The following AGPAT3 variants were observed in gnomAD, a reference collection of about 807,000 sequenced individuals.
The protein encoded by AGPAT3 is 1-acyl-sn-glycerol-3-phosphate acyltransferase gamma.
A neutral mutation model predicts 47.3 loss-of-function variants in AGPAT3; 5 were observed. The ratio of observed to expected loss-of-function variants is 0.11; its 90% confidence interval spans 0.06 to 0.22. The LOEUF is 0.22. AGPAT3 is among the 10% of genes least tolerant of loss of function. The probability of loss-of-function intolerance (pLI) is 1.00; values close to 1 mark genes in which losing one functional copy is unlikely to be tolerated. For synonymous variants in AGPAT3, 212 were observed against 208.3 expected (o/e 1.02, Z -0.15); for missense variants, 315 against 493.0 (o/e 0.64, Z 3.42).
chr21:43,979,943 T>C (rs1244531712), intron 8 of AGPAT3, among the ~76,000 whole-genome samples: 1 of 152,110 alleles, frequency 6.6e-6, no homozygotes, highest in African/African-American at 2.4e-5. Context: ...AAAAAATATC[T>C]TGAAGCCAGT....
At chr21:43,956,378 G>T (rs1377464253) in intron 2 of AGPAT3, among the ~76,000 whole-genome samples, 1 of 152,158 alleles carries the variant, frequency 6.6e-6, no homozygotes, top group Non-Finnish European at 1.5e-5. Context: ...CCCATATGAT[G>T]CACGAAGCCT....
In AGPAT3 at chr21:43,979,000, G is replaced by T. The variant is rs1186279638; in HGVS notation, c.843+879G>T. On this transcript the variant is annotated intron_variant, in intron 8 of 9. Transcript: ENST00000291572. ...CGTAAATGCATTGATGGGCTCTCAA[G>T]AAAATAAGGGAAATCGGTCGGGTGC... 2.0e-5 allele frequency among the ~76,000 whole-genome samples: 3 copies of T among 152,132 alleles called. No individual in the cohort carries two copies. In the East Asian group the frequency reaches 5.8e-4, roughly 29 times the overall value.
At chr21:43,925,938 T>C (rs543724890) in intron 2 of AGPAT3, among the ~76,000 whole-genome samples, 6 of 152,346 alleles carry the variant, frequency 3.9e-5, no homozygotes, top group East Asian at 1.9e-4. Context: ...GCCGGCGCCA[T>C]GTAGCTGCCT....
intron 2 of AGPAT3, among the ~76,000 whole-genome samples, chr21:43,947,572 T>C (rs1263355355): frequency 6.6e-6 from 1 of 152,234 alleles, no homozygotes; most frequent in African/African-American, 2.4e-5. Flanking sequence ...GAGATGAGAT[T>C]GTTTGCTGAA....
chr21:43,977,904 AG>A, intron 7 of AGPAT3, 141 bp from the exon 8 acceptor site: 1 of 618,692 alleles, frequency 1.6e-6, no homozygotes, highest in Non-Finnish European at 2.8e-6. Flanking sequence ...AAAAAAGAAA[AG>A]AAAAGAAATT....
chr21:43,935,936 T>C (rs960158862), intron 2 of AGPAT3, among the ~76,000 whole-genome samples: 4 of 152,214 alleles, frequency 2.6e-5, no homozygotes, highest in African/African-American at 9.6e-5. Context: ...GCCAGGCTTT[T>C]TCCCTGATGG....
chr21:43,972,147 A>ATT (rs11369044), intron 7 of AGPAT3, among the ~76,000 whole-genome samples: 256 of 148,396 alleles, frequency 1.7e-3, no homozygotes, highest in African/African-American at 5.4e-3. Context: ...AGCCTGTTTG[A>ATT]TTTTTTTTTT....
intron 1 of AGPAT3, among the ~76,000 whole-genome samples, chr21:43,894,988 T>A (rs1331402636): frequency 1.3e-5 from 2 of 152,282 alleles, no homozygotes; most frequent in East Asian, 3.8e-4. Flanking sequence ...TTTTTGTATG[T>A]TTTCTATCTT....
At chr21:43,914,571 G>T (rs567798412) in intron 2 of AGPAT3, among the ~76,000 whole-genome samples, 1 of 151,486 alleles carries the variant, frequency 6.6e-6, no homozygotes, top group Admixed American at 6.6e-5. Context: ...TTGTTTTAGA[G>T]CTGAAGTCTC....
chr21:43,919,164 C>CT (rs900609090), intron 2 of AGPAT3, among the ~76,000 whole-genome samples: 6 of 151,168 alleles, frequency 4.0e-5, no homozygotes, highest in African/African-American at 9.7e-5. Flanking sequence ...TCTCTATTTT[C>CT]TTTTTTTTTA....
At chr21:43,926,466 G>C (rs1396365426) in intron 2 of AGPAT3, among the ~76,000 whole-genome samples, 1 of 152,104 alleles carries the variant, frequency 6.6e-6, no homozygotes, top group Non-Finnish European at 1.5e-5. Context: ...GGGTGGCCCA[G>C]CGTTGGCTCG....
rs949304115 is a variant in AGPAT3 at position 43,922,566 on chromosome 21, G to A, written c.-49+18547G>A. 2.6e-5 allele frequency among the ~76,000 whole-genome samples: 4 copies of A among 152,188 alleles called. No homozygotes were observed. Among genetic ancestry groups the A allele is most frequent in the Admixed American group, 2.0e-4 (3 of 15,280 alleles). ...GGAAGAGAGGCCTGCATGGCAGGGG[G>A]CACAGAGACTCTGGGCCTGGGTCCC... On this transcript the variant is annotated intron_variant, in intron 2 of 9. Transcript: ENST00000291572. This position sits in a 1 kb window ranked among gnomAD's most constrained non-coding sequence, Gnocchi z 4.9.
intron 2 of AGPAT3, among the ~76,000 whole-genome samples, chr21:43,935,982 C>T (rs772167331): frequency 9.9e-5 from 15 of 152,198 alleles, no homozygotes; most frequent in Non-Finnish European, 1.5e-4. Flanking sequence ...AGAACAGTAG[C>T]GGAGCCCGCC....
In AGPAT3 at chr21:43,932,982, C is replaced by G. The variant is rs1412760037; in HGVS notation, c.-48-26652C>G. 1.3e-5 allele frequency among the ~76,000 whole-genome samples: 2 copies of G among 152,152 alleles called. No individual in the cohort carries two copies. The highest frequency in any genetic ancestry group is 3.9e-4 in the East Asian group (2 of 5,182). ...CCATTTTTGACTTTTGGAGGCACCT[C>G]CAGATGGTTTGTGTAGTGGCCACAC... On this transcript the variant is annotated intron_variant, in intron 2 of 9. Transcript: ENST00000291572. This position sits in a 1 kb window ranked among gnomAD's most constrained non-coding sequence, Gnocchi z 5.2.
chr21:43,870,320 ATGTT>A (rs1335800827), intron 1 of AGPAT3, among the ~76,000 whole-genome samples: 1 of 152,186 alleles, frequency 6.6e-6, no homozygotes, highest in African/African-American at 2.4e-5. Flanking sequence ...GTTAGAAAAT[ATGTT>A]TGTCGTGCAG....
chr21:43,976,311 T>C (rs1204017845), intron 7 of AGPAT3, among the ~76,000 whole-genome samples: 3 of 152,172 alleles, frequency 2.0e-5, no homozygotes, highest in African/African-American at 7.2e-5. Flanking sequence ...GTGATCTGCC[T>C]GCCTTGGCCT....
rs1244999145 is a variant in AGPAT3, at chr21:43,984,122, AACCAGATGAGACCAACGAC to A, written c.*1735_*1753del. 1 of 152,230 alleles carries A rather than the reference AACCAGATGAGACCAACGAC, an allele frequency of 6.6e-6. No homozygotes were observed. Among genetic ancestry groups the A allele is most frequent in the South Asian group, 2.1e-4 (1 of 4,828 alleles). 9.4% of individuals were successfully genotyped at this position (152,230 alleles called of 1,614,324 possible). A position where few individuals can be genotyped will look rare whatever the true frequency, so the allele number is the denominator to read the frequency against. On this transcript the variant is annotated 3_prime_UTR_variant, in exon 10 of 10. Transcript: ENST00000291572. ...CAGGGGTGAAGGGGCAGACCAACGA[AACCAGATGAGACCAACGAC>A]ACCATGCGAGACACGCTTGCAGACA...
In AGPAT3 at chr21:43,981,440, C is replaced by A. The variant is rs1395980406; in HGVS notation, c.1042+253C>A. 14 of 561,650 alleles carry A rather than the reference C, an allele frequency of 2.5e-5. No homozygotes were observed. Among genetic ancestry groups the A allele is most frequent in the Admixed American group, 1.8e-4 (6 of 32,648 alleles). 34.8% of individuals were successfully genotyped at this position (561,650 alleles called of 1,614,324 possible). On this transcript the variant is annotated intron_variant, in intron 9 of 9. Transcript: ENST00000291572. This position sits in a 1 kb window ranked among gnomAD's most constrained non-coding sequence, Gnocchi z 5.3. ...TCCCCACTGCAGCCCCACTGGCTGGCGCCCTTGAGGATGCCGACGAGAGGG... is the reference window on the plus strand; with the variant it reads ...TCCCCACTGCAGCCCCACTGGCTGGAGCCCTTGAGGATGCCGACGAGAGGG...
intron 1 of AGPAT3, among the ~76,000 whole-genome samples, chr21:43,899,499 C>G (rs1434598878): frequency 6.6e-6 from 1 of 152,244 alleles, no homozygotes; most frequent in African/African-American, 2.4e-5. Context: ...CTAAAGGTCT[C>G]TTAGAAGGTC....
Sources: allele counts gnomAD v4.1 joint callset (sites outside exome capture counted in the v4.1 genomes callset), GRCh38; gene constraint gnomAD v4.1.1; non-coding constraint Gnocchi (gnomAD v3.1); transcripts MANE v1.5; gene names NCBI Gene and HGNC (gene_info 2026-07-23, HGNC 2026-07-21).